The following HCN1 variants were observed in gnomAD, a reference collection of about 807,000 sequenced individuals.
HCN1 encodes hyperpolarization activated cyclic nucleotide gated potassium channel 1.
Under a neutral mutation model 78.9 loss-of-function variants are expected in HCN1, and 13 were observed. The ratio of observed to expected loss-of-function variants is 0.16; its 90% CI spans 0.11 to 0.26. The LOEUF (loss-of-function observed/expected upper bound fraction) is 0.26. Among genes scored for constraint, HCN1 ranks in the 10% least tolerant of loss-of-function variants. HCN1 has a pLI of 1.00. For synonymous variants in HCN1, 552 were observed against 455.5 expected (o/e 1.21, Z -2.70); for missense variants, 810 against 1,154.3 (o/e 0.70, Z 4.32).
At chr5:45,551,249 G>C (rs1312074920) in intron 2 of HCN1, among the ~76,000 whole-genome samples, 1 of 151,898 alleles carries the variant, frequency 6.6e-6, no homozygotes, top group Non-Finnish European at 1.5e-5. Flanking sequence ...TGGTCAGTAA[G>C]CACTAATAGA....
At chr5:45,379,287 T>C (rs969431066) in intron 4 of HCN1, among the ~76,000 whole-genome samples, 2 of 152,100 alleles carry the variant, frequency 1.3e-5, no homozygotes, top group Admixed American at 6.6e-5. Flanking sequence ...GCACCTGTTG[T>C]TTCCTGACTT....
intron 5 of HCN1, among the ~76,000 whole-genome samples, chr5:45,313,642 C>T (rs1221901557): frequency 6.6e-6 from 1 of 152,188 alleles, no homozygotes; most frequent in African/African-American, 2.4e-5. Flanking sequence ...GAATGGCTAA[C>T]TAGAACAACC....
In HCN1 at chr5:45,544,142, A is replaced by G. The variant is rs543614770; in HGVS notation, c.850-82135T>C. Reference sequence around the variant, plus strand: ...CTTAGCATTCTGAGGAATAAAATGTATTGGTACTATCCATGTACCATAGAA... The same window carrying G: ...CTTAGCATTCTGAGGAATAAAATGTGTTGGTACTATCCATGTACCATAGAA... On this transcript the variant is annotated intron_variant, in intron 2 of 7. Coordinates refer to ENST00000303230, the MANE Select transcript of HCN1 (RefSeq NM_021072.4). 3.3e-5 allele frequency among the ~76,000 whole-genome samples: 5 copies of G among 152,268 alleles called. No homozygotes were observed. In the South Asian group the frequency reaches 8.3e-4, roughly 25 times the overall value.
chr5:45,682,975 A>C (rs1294790536), intron 1 of HCN1, among the ~76,000 whole-genome samples: 1 of 152,130 alleles, frequency 6.6e-6, no homozygotes, highest in Non-Finnish European at 1.5e-5. Flanking sequence ...GTAAAATATA[A>C]AGTATCAAGC....
At chr5:45,281,829 T>C (rs1260545069) in intron 6 of HCN1, among the ~76,000 whole-genome samples, 2 of 151,782 alleles carry the variant, frequency 1.3e-5, no homozygotes, top group Non-Finnish European at 2.9e-5. Flanking sequence ...CCTGACCTCA[T>C]GATCTGCCTG....
chr5:45,680,805 A>G (rs931479134), intron 1 of HCN1, among the ~76,000 whole-genome samples: 4 of 152,002 alleles, frequency 2.6e-5, no homozygotes, highest in Non-Finnish European at 5.9e-5. Flanking sequence ...TTCTAATTAT[A>G]TTATCTCTTC....
intron 4 of HCN1, among the ~76,000 whole-genome samples, chr5:45,390,577 A>G (rs1447476759): frequency 6.6e-6 from 1 of 152,174 alleles, no homozygotes; most frequent in South Asian, 2.1e-4. Context: ...CAGTCCTGAA[A>G]ATGTGAATAT....
chr5:45,365,458 G>A (rs1747215474), intron 4 of HCN1, among the ~76,000 whole-genome samples: 1 of 151,828 alleles, frequency 6.6e-6, no homozygotes, highest in African/African-American at 2.4e-5. Context: ...TTGATTTTCT[G>A]CCTCTGAGGT....
chr5:45,308,271 A>T (rs1745777422), intron 5 of HCN1, among the ~76,000 whole-genome samples: 1 of 152,104 alleles, frequency 6.6e-6, no homozygotes, highest in Admixed American at 6.6e-5. Flanking sequence ...AGGCTGCTGA[A>T]TCGTGAGACA....
intron 2 of HCN1, among the ~76,000 whole-genome samples, chr5:45,623,998 C>T (rs1745117911): frequency 6.6e-6 from 1 of 152,122 alleles, no homozygotes; most frequent in African/African-American, 2.4e-5. Flanking sequence ...ATATAAAAAC[C>T]ATGAGTCAAG....
intron 4 of HCN1, among the ~76,000 whole-genome samples, chr5:45,383,797 G>T (rs1250554047): frequency 6.6e-6 from 1 of 151,446 alleles, no homozygotes; most frequent in Non-Finnish European, 1.5e-5. Flanking sequence ...GTTATTTCCA[G>T]ATAATATAAA....
At chr5:45,532,895 C>T (rs1742888409) in intron 2 of HCN1, among the ~76,000 whole-genome samples, 1 of 152,294 alleles carries the variant, frequency 6.6e-6, no homozygotes, top group South Asian at 2.1e-4. Context: ...TTGTGTAATT[C>T]ATTGAGATAC....
intron 4 of HCN1, among the ~76,000 whole-genome samples, 179 bp from the exon 5 acceptor site, chr5:45,353,425 T>A (rs907970726): frequency 1.3e-5 from 2 of 152,008 alleles, no homozygotes; most frequent in Admixed American, 1.3e-4. Context: ...TGTTACATAA[T>A]GTATAAGGCA....
chr5:45,644,474 T>C (rs767690177), intron 2 of HCN1: 3 of 152,194 alleles, frequency 2.0e-5, no homozygotes, highest in Non-Finnish European at 4.4e-5. Context: ...TCCCACCCAC[T>C]GCCTAACAAC....
chr5:45,539,220 A>G (rs1375840342), intron 2 of HCN1, among the ~76,000 whole-genome samples: 2 of 152,154 alleles, frequency 1.3e-5, no homozygotes. Context: ...GCCACACAGT[A>G]TATTTTCATA....
chr5:45,453,224 C>T (rs976070245), intron 3 of HCN1, among the ~76,000 whole-genome samples: 2 of 151,968 alleles, frequency 1.3e-5, no homozygotes, highest in Non-Finnish European at 2.9e-5. Context: ...GCCTGACATC[C>T]GTATATCCGT....
intron 2 of HCN1, among the ~76,000 whole-genome samples, chr5:45,544,100 C>T (rs1402817459): frequency 6.6e-6 from 1 of 151,898 alleles, no homozygotes; most frequent in East Asian, 1.9e-4. Flanking sequence ...TTATCTGCTT[C>T]CAAGAGTCTG....
At chr5:45,351,141 G>T (rs1362367839) in intron 5 of HCN1, among the ~76,000 whole-genome samples, 1 of 152,080 alleles carries the variant, frequency 6.6e-6, no homozygotes, top group Non-Finnish European at 1.5e-5. Flanking sequence ...CAAGTCTACA[G>T]TAACCAAAAC....
chr5:45,300,131 CAT>C (rs1481815920), intron 6 of HCN1, among the ~76,000 whole-genome samples: 1 of 152,114 alleles, frequency 6.6e-6, no homozygotes, highest in Non-Finnish European at 1.5e-5. Context: ...ATTCACAAAA[CAT>C]ATGTCGACTT....
Sources: allele counts gnomAD v4.1 joint callset (sites outside exome capture counted in the v4.1 genomes callset), GRCh38; gene constraint gnomAD v4.1.1; transcripts MANE v1.5; gene names NCBI Gene and HGNC (gene_info 2026-07-23, HGNC 2026-07-21).